MKI67: variants seen among roughly 807,000 people sequenced by gnomAD.
MKI67 encodes marker of proliferation Ki-67.
Under a neutral mutation model 233.5 loss-of-function variants are expected in MKI67, and 152 were observed. That is an observed-to-expected ratio of 0.65 (90% CI 0.57 to 0.74). MKI67 has a LOEUF of 0.74. Among genes scored for constraint, MKI67 ranks in the 30% least tolerant of loss-of-function variants. The pLI is 0.00. For missense variants in MKI67, 3,940 were observed against 3,885.2 expected, an observed-to-expected ratio of 1.01 and a Z score of -0.37; for synonymous variants, 1,465 against 1,418.5, an observed-to-expected ratio of 1.03 and a Z score of -0.74.
chr10:128,115,207 T>C lies in MKI67; in HGVS notation c.1201A>G (p.Thr401Ala), dbSNP rs1190606332. The C allele has an allele frequency of 1.2e-6, 2 of 1,614,230 alleles. No individual in the cohort carries two copies. The highest frequency in any genetic ancestry group is 1.7e-6 in the Non-Finnish European group (2 of 1,180,034). ...GCTGCATCTTCAACTTTAGCTGGTG[T>C]TCGATTTCTAGTTGAAAGCTTCCTG... ...TPRKLSTRNR[T>A]PAKVEDAADS... The change falls in exon 7 of 15, where the codon ACA becomes GCA. Residue 401 changes from threonine (T) to alanine (A), a missense_variant. Transcript: ENST00000368654.
At chr10:128,120,409 T>C (rs1479922942) in intron 4 of MKI67, among the ~76,000 whole-genome samples, 1 of 152,008 alleles carries the variant, frequency 6.6e-6, no homozygotes, top group African/African-American at 2.4e-5. Context: ...TGAGAATCAC[T>C]TGAACCCGGG....
Position 128,105,028 on chromosome 10 carries a change from G to T in MKI67, c.6812C>A (p.Pro2271Gln). ...SVGKAMDTPK[P>Q]AGGDEKDMKA... ...CATGTCTTTCTCATCACCTCCTGCT[G>T]GTTTGGGTGTGTCCATAGCTTTCCC... The change falls in exon 13 of 15, where the codon CCA becomes CAA. Residue 2271 changes from proline to glutamine, a missense_variant. Pro to Gln is a moderately conservative substitution (Grantham distance 76). Transcript: ENST00000368654. 1 of 1,613,118 alleles carries T rather than the reference G, an allele frequency of 6.2e-7. No homozygotes were observed. The highest frequency in any genetic ancestry group is 8.5e-7 in the Non-Finnish European group (1 of 1,179,852).
rs1392384278 is a variant in MKI67 at position 128,105,083 on chromosome 10, A to G, written c.6757T>C (p.Leu2253=). The G allele has an allele frequency of 1.9e-6, 3 of 1,613,446 alleles. No individual in the cohort carries two copies. The African/African-American group carries it at 4.0e-5, about 22-fold the overall frequency. Residue 2253 remains leucine, a synonymous_variant, in exon 13 of 15, where the codon TTA becomes CTA. Coordinates refer to ENST00000368654, the MANE Select transcript of MKI67 (RefSeq NM_002417.5). The part of the protein sequence containing the change: ...LRKADVEEES[L]ALRKRTPSVG... ...GATGGTGTTCGTTTCCTGAGTGCTAAGGATTCTTCCTCTACGTCTGCTTTC... is the reference window on the plus strand; with the variant it reads ...GATGGTGTTCGTTTCCTGAGTGCTAGGGATTCTTCCTCTACGTCTGCTTTC...
Position 128,105,225 on chromosome 10 carries a change from T to C in MKI67, c.6615A>G (p.Ile2205Met). 1 of 1,611,148 alleles carries C rather than the reference T, an allele frequency of 6.2e-7. No individual in the cohort carries two copies. The highest frequency in any genetic ancestry group is 1.1e-5 in the South Asian group (1 of 90,928). Residue 2205 changes from isoleucine to methionine, a missense_variant, in exon 13 of 15, where the codon ATA (isoleucine) becomes ATG (methionine). Ile to Met is a conservative substitution (Grantham distance 10). Transcript: ENST00000368654. ...AGLKELFQTP[I>M]CTDKPTTHEK... is the part of the protein sequence containing the mutation. ...CATGAGTCGTGGGCTTGTCAGTGCA[T>C]ATTGGTGTCTGGAAGAGCTCTTTCA...
At chr10:128,110,066 T>C (rs1193804003) in intron 12 of MKI67, among the ~76,000 whole-genome samples, 1 of 152,272 alleles carries the variant, frequency 6.6e-6, no homozygotes, top group Non-Finnish European at 1.5e-5. Context: ...GTAATTTATA[T>C]GTAAATATGG....
intron 4 of MKI67, among the ~76,000 whole-genome samples, chr10:128,122,019 C>T (rs1461166126): frequency 6.6e-6 from 1 of 152,096 alleles, no homozygotes; most frequent in South Asian, 2.1e-4. Flanking sequence ...AAAGCCAAAA[C>T]GGTGGTTTAC....
chr10:128,101,073 C>A (rs1169792075), intron 14 of MKI67, among the ~76,000 whole-genome samples, 185 bp downstream of exon 14: 2 of 152,188 alleles, frequency 1.3e-5, no homozygotes, highest in African/African-American at 4.8e-5. Context: ...CCAAAGTAGA[C>A]ACAACAAAAT....
chr10:128,102,510 C>CA (rs1304997158), intron 13 of MKI67, 69 bp downstream of exon 13: 1 of 1,546,596 alleles, frequency 6.5e-7, no homozygotes, highest in Non-Finnish European at 8.7e-7. Flanking sequence ...AGGTTACATG[C>CA]AAAGTATAAC....
In MKI67 at chr10:128,107,042, G is replaced by C; in HGVS notation, c.4798C>G (p.His1600Asp). The C allele has an allele frequency of 1.2e-6, 2 of 1,614,080 alleles. No individual in the cohort carries two copies. The highest frequency in any genetic ancestry group is 1.7e-6 in the Non-Finnish European group (2 of 1,180,018). ...GFKELFQTRG[H>D]TEESMTNDKT... ...TCGTTAGTCATTGATTCCTCAGTGT[G>C]ACCTCGTGTCTGGAAGAGCTCTTTA... Residue 1600 changes from histidine to aspartate, a missense_variant, in exon 13 of 15, where the codon CAC (histidine) becomes GAC (aspartate). Coordinates refer to ENST00000368654, the MANE Select transcript of MKI67 (RefSeq NM_002417.5).
chr10:128,125,758 T>C lies in MKI67; in HGVS notation c.-89-2A>G, dbSNP rs1565017939. On this transcript the variant is annotated splice_acceptor_variant, in intron 1 of 14. Transcript: ENST00000368654. LOFTEE classifies it low-confidence loss of function (5UTR_SPLICE). This position sits in a 1 kb window ranked among gnomAD's most constrained non-coding sequence, Gnocchi z 5.3. The stretch of plus-strand genomic sequence containing the variant: ...AGAAGCAAATTTACAACTCTTCCAC[T>C]GCAAAAGAGGTGCGAGTTACTCTGA... 2 of 1,073,606 alleles carry C rather than the reference T, an allele frequency of 1.9e-6. No homozygotes were observed. Among genetic ancestry groups the C allele is most frequent in the South Asian group, 2.5e-5 (2 of 79,806 alleles). 66.5% of individuals were successfully genotyped at this position (1,073,606 alleles called of 1,614,324 possible).
Position 128,103,560 on chromosome 10 carries a change from A to G in MKI67, c.8280T>C (p.Asp2760=), listed in dbSNP as rs773755153. The G allele has an allele frequency of 6.2e-7, 1 of 1,613,212 alleles. No individual in the cohort carries two copies. Among genetic ancestry groups the G allele is most frequent in the African/African-American group, 1.3e-5 (1 of 74,534 alleles). ...ATTCCTTCAATGCTTTGATGCCTTT[A>G]TCTTCACCTGCTGGTTCTTTGTCTG... ...TDADKEPAGE[D]KGIKALKESA... The change falls in exon 13 of 15, where the codon GAT becomes GAC. Residue 2760 remains aspartate (D), a synonymous_variant. Coordinates refer to ENST00000368654, the MANE Select transcript of MKI67 (RefSeq NM_002417.5).
At position 128,125,833 on chromosome 10, in the gene MKI67, C is replaced by T; in HGVS notation, c.-89-77G>A. 1 of 659,146 alleles carries T rather than the reference C, an allele frequency of 1.5e-6. No homozygotes were observed. The highest frequency in any genetic ancestry group is 2.3e-5 in the Admixed American group (1 of 43,056). The allele number at this position is 659,146 out of a possible 1,614,324, so 40.8% of individuals were successfully genotyped here. ...CGTGCCCAATTCACCTATCCCCGGC[C>T]ACAGAAGCGCACACCGCAGCTAGCT... On this transcript the variant is annotated intron_variant, in intron 1 of 14. Transcript: ENST00000368654. This position sits in a 1 kb window ranked among gnomAD's most constrained non-coding sequence, Gnocchi z 5.3.
In MKI67 at chr10:128,110,312, G is replaced by T. The variant is rs544641663; in HGVS notation, c.2416+66C>A. 21 of 1,283,126 alleles carry T rather than the reference G, an allele frequency of 1.6e-5. No homozygotes were observed. In the African/African-American group the frequency reaches 2.5e-4, roughly 15 times the overall value. 79.5% of individuals were successfully genotyped at this position (1,283,126 alleles called of 1,614,324 possible). On this transcript the variant is annotated intron_variant, in intron 12 of 14. Transcript: ENST00000368654. ...TTAGAGAAGTAATATCATACTGCTT[G>T]TAAAAAAATAATACTGTATGTTCCT...
In MKI67 at chr10:128,101,249, A is replaced by G. The variant is rs1006338493; in HGVS notation, c.9705+9T>C. ...GTCTTTTAAAACAGGGAAACAGTAAATGGCTTACCTTCTTTGGATTTTCTG... is the reference window on the plus strand; with the variant it reads ...GTCTTTTAAAACAGGGAAACAGTAAGTGGCTTACCTTCTTTGGATTTTCTG... On this transcript the variant is annotated intron_variant, in intron 14 of 14. Coordinates refer to ENST00000368654, the MANE Select transcript of MKI67 (RefSeq NM_002417.5). 9 of 1,604,194 alleles carry G rather than the reference A, an allele frequency of 5.6e-6. No homozygotes were observed. Among genetic ancestry groups the G allele is most frequent in the Non-Finnish European group, 7.7e-6 (9 of 1,172,508 alleles).
chr10:128,114,939 C>T lies in MKI67; in HGVS notation c.1469G>A (p.Gly490Asp), dbSNP rs370779677. The T allele has an allele frequency of 4.4e-5, 68 of 1,553,406 alleles. No homozygotes were observed. The highest frequency in any genetic ancestry group is 5.6e-5 in the Non-Finnish European group (64 of 1,150,082). ...TTAAATAAACTTACTAATGGAATCA[C>T]CAAAGTTGTTGATATCAACTGAACT... is the stretch of plus-strand genomic sequence containing the variant. ...GLSSVDINNF[G>D]DSINESEGIP... Residue 490 changes from glycine (G) to aspartate (D), a missense_variant, in exon 7 of 15, where the codon GGT (glycine) becomes GAT (aspartate). Coordinates refer to ENST00000368654, the MANE Select transcript of MKI67 (RefSeq NM_002417.5).
Position 128,125,979 on chromosome 10 carries a change from CAGG to C in MKI67, c.-90+117_-90+119del, listed in dbSNP as rs1234238635. 7.6e-6 allele frequency: 3 copies of C among 395,340 alleles called. No individual in the cohort carries two copies. Among genetic ancestry groups the C allele is most frequent in the Non-Finnish European group, 1.4e-5 (3 of 212,460 alleles). 24.5% of individuals were successfully genotyped at this position (395,340 alleles called of 1,614,324 possible). On this transcript the variant is annotated intron_variant, in intron 1 of 14. Transcript: ENST00000368654. This position sits in a 1 kb window ranked among gnomAD's most constrained non-coding sequence, Gnocchi z 5.3. ...CCACCGAGACGCCCTCGCCAGAGCC[CAGG>C]AGGAGTCGGGCCCAGGCCGCGCGTC...
chr10:128,115,051 C>G lies in MKI67; in HGVS notation c.1357G>C (p.Glu453Gln), dbSNP rs745668541. The G allele has an allele frequency of 1.6e-5, 26 of 1,613,368 alleles. No homozygotes were observed. The Admixed American group carries it at 3.8e-4, about 24-fold the overall frequency. The change falls in exon 7 of 15, where the codon GAG becomes CAG. Residue 453 changes from glutamate (E) to glutamine (Q), a missense_variant. Transcript: ENST00000368654. ...AGGGAATCCTTTTGGATCTTCCTCTCAACTTGAGTGAGCCACAGAGTTAAA... is the reference window on the plus strand; with the variant it reads ...AGGGAATCCTTTTGGATCTTCCTCTGAACTTGAGTGAGCCACAGAGTTAAA... ...PFLTLWLTQV[E>Q]RKIQKDSLSK...
intron 8 of MKI67, among the ~76,000 whole-genome samples, chr10:128,112,953 A>G (rs960079066): frequency 6.6e-6 from 1 of 152,270 alleles, no homozygotes; most frequent in Non-Finnish European, 1.5e-5. Flanking sequence ...CAGCAAAGGA[A>G]CAGGCAAGCA....
At chr10:128,102,278 C>G (rs540210006) in intron 13 of MKI67, among the ~76,000 whole-genome samples, 1 of 152,206 alleles carries the variant, frequency 6.6e-6, no homozygotes. Context: ...AGAACTGAAC[C>G]ACCCACCTAT....
Sources: allele counts gnomAD v4.1 joint callset (sites outside exome capture counted in the v4.1 genomes callset), GRCh38; gene constraint gnomAD v4.1.1; non-coding constraint Gnocchi (gnomAD v3.1); transcripts MANE v1.5; gene names NCBI Gene and HGNC (gene_info 2026-07-23, HGNC 2026-07-21).